The following DDX60 variants were observed in gnomAD, a reference collection of about 807,000 sequenced individuals.
DDX60 encodes DExD/H-box helicase 60.
DDX60 carries 165 observed loss-of-function variants against 212.8 expected under a neutral mutation model. The observed-to-expected ratio is 0.78, with a 90% CI of 0.68 to 0.88. The LOEUF (loss-of-function observed/expected upper bound fraction) is 0.88. Ranked by LOEUF, DDX60 falls within the 40% of genes least tolerant of loss-of-function variation. The pLI is 0.00. For missense variants in DDX60, 1,905 were observed against 2,003.9 expected, an observed-to-expected ratio of 0.95 and a Z score of 0.94; for synonymous variants, 703 against 685.3, an observed-to-expected ratio of 1.03 and a Z score of -0.40.
chr4:168,248,195 T>G lies in DDX60; in HGVS notation c.3956A>C (p.Tyr1319Ser), dbSNP rs745616873. The G allele has an allele frequency of 5.0e-6, 8 of 1,603,544 alleles. No homozygotes were observed. The African/African-American group carries it at 9.4e-5, about 19-fold the overall frequency. Reference sequence around the variant, plus strand: ...TTATGCATTTTGCAATACCTGTCTATAATTCAACGCATCCAGATAGACTGA... The same window carrying G: ...TTATGCATTTTGCAATACCTGTCTAGAATTCAACGCATCCAGATAGACTGA... Reference protein sequence around the residue: ...QNSVYLDALNYRQMSGRAGRR... With the variant: ...QNSVYLDALNSRQMSGRAGRR... The change falls in exon 29 of 38, where the codon TAT becomes TCT. Residue 1319 changes from tyrosine to serine, a missense_variant. Tyr to Ser is a moderately radical substitution (Grantham distance 144). Transcript: ENST00000393743.
intron 6 of DDX60, 73 bp from the exon 7 acceptor site, chr4:168,294,018 T>C: frequency 1.4e-6 from 2 of 1,400,464 alleles, no homozygotes; most frequent in Non-Finnish European, 2.0e-6. Flanking sequence ...ATCTTACTAG[T>C]GGGTACTACT....
At chr4:168,311,222 T>A in intron 2 of DDX60, 34 bp downstream of exon 2, 1 of 1,607,552 alleles carries the variant, frequency 6.2e-7, no homozygotes, top group Non-Finnish European at 8.5e-7. Context: ...TAACATTGTT[T>A]TATAATCTAT....
chr4:168,285,404 A>G lies in DDX60; in HGVS notation c.1434T>C (p.Pro478=), dbSNP rs749020119. The G allele has an allele frequency of 1.2e-6, 2 of 1,608,696 alleles. No homozygotes were observed. The highest frequency in any genetic ancestry group is 1.7e-6 in the Non-Finnish European group (2 of 1,177,444). The change falls in exon 11 of 38, where the codon CCT becomes CCC. Residue 478 remains proline (P), a synonymous_variant. Coordinates refer to ENST00000393743, the MANE Select transcript of DDX60 (RefSeq NM_017631.6). ...KFAGDILKDL[P]FLKSDDPIVT... Reference sequence around the variant, plus strand: ...TTTTGGCCTTATACCTCTTTAGAAAAGGCAAATCTTTCAAAATATCTCCAG... The same window carrying G: ...TTTTGGCCTTATACCTCTTTAGAAAGGGCAAATCTTTCAAAATATCTCCAG...
At chr4:168,298,336 T>C (rs1736499084) in intron 6 of DDX60, among the ~76,000 whole-genome samples, 1 of 151,760 alleles carries the variant, frequency 6.6e-6, no homozygotes, top group African/African-American at 2.4e-5. Context: ...CCACATTCCA[T>C]ATATAAGACA....
At chr4:168,317,650 T>A (rs111864446) in intron 1 of DDX60, among the ~76,000 whole-genome samples, 5,977 of 152,228 alleles carry the variant, frequency 0.039, 161 homozygotes, top group Non-Finnish European at 0.059. Context: ...ACAGGACCTG[T>A]GAATTTAATG....
intron 3 of DDX60, 127 bp downstream of exon 3, chr4:168,310,871 G>A: frequency 2.0e-6 from 1 of 488,920 alleles, no homozygotes; most frequent in South Asian, 4.8e-5. Flanking sequence ...CAACTGCATA[G>A]TTGTTCAGTG....
intron 1 of DDX60, among the ~76,000 whole-genome samples, chr4:168,317,260 A>G (rs1737435609): frequency 6.6e-6 from 1 of 151,962 alleles, no homozygotes; most frequent in African/African-American, 2.4e-5. Flanking sequence ...AAACAATCAT[A>G]AGACCACAAA....
At chr4:168,299,019 G>A (rs1487005471) in intron 6 of DDX60, among the ~76,000 whole-genome samples, 1 of 151,746 alleles carries the variant, frequency 6.6e-6, no homozygotes, top group Non-Finnish European at 1.5e-5. Flanking sequence ...AAATTAGCTG[G>A]GCTTGGTGGC....
At chr4:168,314,373 C>A (rs1560886082) in intron 1 of DDX60, among the ~76,000 whole-genome samples, 1 of 151,514 alleles carries the variant, frequency 6.6e-6, no homozygotes, top group African/African-American at 2.4e-5. Context: ...TTGAGGCACA[C>A]AAAAAAAGCA....
intron 33 of DDX60, 181 bp downstream of exon 33, chr4:168,236,071 A>C (rs1038789954): frequency 3.0e-5 from 15 of 496,630 alleles, no homozygotes; most frequent in Non-Finnish European, 4.4e-5. Context: ...TTTTTGGTAG[A>C]TTTACAGAGG....
intron 20 of DDX60, 112 bp from the exon 21 acceptor site, chr4:168,268,095 A>G: frequency 1.2e-6 from 1 of 868,054 alleles, no homozygotes; most frequent in Non-Finnish European, 1.7e-6. Context: ...TACTTAGGGG[A>G]ATAGACTCAG....
rs574620830 is a variant in DDX60 at position 168,273,056 on chromosome 4, G to A, written c.2574+223C>T. 2.8e-4 allele frequency among the ~76,000 whole-genome samples: 42 copies of A among 152,210 alleles called. No individual in the cohort carries two copies. In the South Asian group the frequency reaches 8.7e-3, roughly 32 times the overall value. Reference sequence around the variant, plus strand: ...CAAGACAATGCAATAAAATATTAATGAAATCAGAAATCCAAAGGTCAGTGT... The same window carrying A: ...CAAGACAATGCAATAAAATATTAATAAAATCAGAAATCCAAAGGTCAGTGT... On this transcript the variant is annotated intron_variant, in intron 18 of 37. Transcript: ENST00000393743.
intron 37 of DDX60, chr4:168,220,409 G>A: frequency 3.2e-6 from 1 of 309,610 alleles, no homozygotes; most frequent in Non-Finnish European, 5.9e-6. Context: ...CATGATGCCT[G>A]GGGCTGAGAC....
At chr4:168,268,091 G>A (rs972899445) in intron 20 of DDX60, 108 bp from the exon 21 acceptor site, 10 of 937,710 alleles carry the variant, frequency 1.1e-5, no homozygotes, top group African/African-American at 6.7e-5. Context: ...AGTGTACTTA[G>A]GGGAATAGAC....
intron 36 of DDX60, 24 bp downstream of exon 36, chr4:168,221,706 C>A: frequency 1.1e-5 from 17 of 1,573,184 alleles, no homozygotes; most frequent in Non-Finnish European, 1.5e-5. Flanking sequence ...GACAGAGAAA[C>A]AGAGACAGAC....
rs375460471 is a variant in DDX60 at position 168,274,044 on chromosome 4, C to T, written c.2344G>A (p.Val782Met). The T allele has an allele frequency of 1.2e-5, 20 of 1,614,076 alleles. No homozygotes were observed. The highest frequency in any genetic ancestry group is 2.2e-5 in the East Asian group (1 of 44,894). ...LDVVDKNESA[V>M]IVAPTSSGKT... is the part of the protein sequence containing the mutation. ...CCTGAGGACGTTGGGGCAACAATCACTGCTGACTCATTCTTATCCACAACA... is the reference window on the plus strand; with the variant it reads ...CCTGAGGACGTTGGGGCAACAATCATTGCTGACTCATTCTTATCCACAACA... Residue 782 changes from valine (V) to methionine (M), a missense_variant, in exon 17 of 38, where the codon GTG (valine) becomes ATG (methionine). By Grantham distance (21) the Val-to-Met change is conservative. Transcript: ENST00000393743.
intron 32 of DDX60, among the ~76,000 whole-genome samples, chr4:168,237,003 A>G (rs1733652064): frequency 6.6e-6 from 1 of 151,316 alleles, no homozygotes; most frequent in Admixed American, 6.6e-5. Flanking sequence ...ATATTTTCTA[A>G]AAAGTGTATA....
intron 5 of DDX60, among the ~76,000 whole-genome samples, chr4:168,305,715 T>C (rs1438491865): frequency 6.6e-6 from 1 of 151,314 alleles, no homozygotes; most frequent in East Asian, 1.9e-4. Flanking sequence ...AAAATTTCAA[T>C]ACAATAATTG....
At chr4:168,225,441 G>A (rs1034524333) in intron 34 of DDX60, 88 bp downstream of exon 34, 5 of 1,330,072 alleles carry the variant, frequency 3.8e-6, no homozygotes, top group Non-Finnish European at 5.1e-6. Flanking sequence ...AACTTTCTGG[G>A]GTTCCACTCT....
Sources: allele counts gnomAD v4.1 joint callset (sites outside exome capture counted in the v4.1 genomes callset), GRCh38; gene constraint gnomAD v4.1.1; transcripts MANE v1.5; gene names NCBI Gene and HGNC (gene_info 2026-07-23, HGNC 2026-07-21).